SOX6: variants seen among roughly 807,000 people sequenced by gnomAD.
The protein encoded by SOX6 is SRY-box transcription factor 6, also known as transcription factor SOX-6.
SOX6 carries 11 observed loss-of-function variants against 97.8 expected under a neutral mutation model. The observed-to-expected ratio is 0.11, with a 90% confidence interval of 0.07 to 0.19. The LOEUF (loss-of-function observed/expected upper bound fraction) is 0.19. Ranked by LOEUF, SOX6 falls within the 10% of genes least tolerant of loss-of-function variation. The pLI, the probability that SOX6 is intolerant of heterozygous loss-of-function variation, is 1.00. For missense variants in SOX6, 810 were observed against 1,039.5 expected, an observed-to-expected ratio of 0.78 and a Z score of 3.04; for synonymous variants, 360 against 371.4, an observed-to-expected ratio of 0.97 and a Z score of 0.35.
chr11:16,716,997 GA>G, intron 2 of SOX6, among the ~76,000 whole-genome samples: 1 of 152,192 alleles, frequency 6.6e-6, no homozygotes, highest in South Asian at 2.1e-4. Flanking sequence ...ATTTTGTGAT[GA>G]ATGAGCTATA....
chr11:15,974,378 C>CTTT (rs35597667), intron 15 of SOX6, among the ~76,000 whole-genome samples: 4,220 of 85,600 alleles, frequency 0.049, 287 homozygotes, highest in African/African-American at 0.17. Flanking sequence ...TTAGCTCTCT[C>CTTT]TTTTTTTTTT....
intron 1 of SOX6, among the ~76,000 whole-genome samples, chr11:16,473,159 T>C (rs1041193280): frequency 6.6e-5 from 10 of 152,236 alleles, no homozygotes. Context: ...CAAAATATTA[T>C]TTAAAATATA....
At chr11:16,090,810 C>T (rs971628040) in intron 9 of SOX6, among the ~76,000 whole-genome samples, 11 of 151,970 alleles carry the variant, frequency 7.2e-5, no homozygotes, top group African/African-American at 2.4e-4. Flanking sequence ...AGGTTAGACC[C>T]ACCCATCAGA....
intron 3 of SOX6, among the ~76,000 whole-genome samples, chr11:16,705,270 A>G (rs995630933): frequency 5.9e-5 from 9 of 151,934 alleles, no homozygotes; most frequent in Non-Finnish European, 1.3e-4. Context: ...AAAAGAAAAA[A>G]AAAAAGAAAG....
intron 4 of SOX6, among the ~76,000 whole-genome samples, chr11:16,232,599 AG>A (rs893808604): frequency 6.6e-6 from 1 of 152,118 alleles, no homozygotes; most frequent in East Asian, 1.9e-4. Flanking sequence ...AAAGACGGAA[AG>A]GGGGGGAGAA....
At chr11:16,269,013 CTA>C (rs1854164241) in intron 3 of SOX6, among the ~76,000 whole-genome samples, 3 of 149,814 alleles carry the variant, frequency 2.0e-5, no homozygotes, top group African/African-American at 7.3e-5. Context: ...AGAAATTCAC[CTA>C]TGTTTTCTTG....
chr11:16,223,187 C>A (rs895601687), intron 4 of SOX6, among the ~76,000 whole-genome samples: 1 of 152,016 alleles, frequency 6.6e-6, no homozygotes, highest in African/African-American at 2.4e-5. Context: ...TTAAACCAAC[C>A]AATCATTCAG....
chr11:16,608,188 A>G lies in SOX6; in HGVS notation n.609+3893T>C, dbSNP rs1848357731. 2.0e-5 allele frequency among the ~76,000 whole-genome samples: 3 copies of G among 152,086 alleles called. No homozygotes were observed. The South Asian group carries it at 6.2e-4, about 31-fold the overall frequency. On this transcript the variant is annotated intron_variant and non_coding_transcript_variant, in intron 4 of 5. Coordinates refer to the SOX6 transcript ENST00000524520. Reference sequence around the variant, plus strand: ...AGGAGTCAGGAGAAAGGCAAACTGTAGCGTGGAAAAGGTAGGCAACTCGGG... The same window carrying G: ...AGGAGTCAGGAGAAAGGCAAACTGTGGCGTGGAAAAGGTAGGCAACTCGGG...
intron 1 of SOX6, among the ~76,000 whole-genome samples, chr11:16,415,770 C>G (rs1285099260): frequency 6.6e-6 from 1 of 152,056 alleles, no homozygotes; most frequent in Non-Finnish European, 1.5e-5. Context: ...ACGAGGGATA[C>G]TAGCAAACTT....
At chr11:16,464,016 T>C (rs1036087986) in intron 1 of SOX6, among the ~76,000 whole-genome samples, 1 of 152,176 alleles carries the variant, frequency 6.6e-6, no homozygotes, top group Admixed American at 6.5e-5. Context: ...GGGACATCCC[T>C]GATGGTTATA....
intron 3 of SOX6, chr11:16,313,236 AAAT>A (rs1392387117): frequency 2.0e-5 from 3 of 152,206 alleles, no homozygotes; most frequent in African/African-American, 7.2e-5. Context: ...TTCATCATGC[AAAT>A]ATAGTTTTTA....
intron 12 of SOX6, among the ~76,000 whole-genome samples, chr11:16,032,563 A>G (rs975959391): frequency 2.0e-5 from 3 of 152,152 alleles, no homozygotes; most frequent in East Asian, 1.9e-4. Context: ...AAGTTTATCT[A>G]TGTGGAGAAA....
rs147573414 is a variant in SOX6 at position 16,379,607 on chromosome 11, C to T, written c.-4-38355G>A. On this transcript the variant is annotated intron_variant, in intron 1 of 15. Transcript: ENST00000396356. The stretch of plus-strand genomic sequence containing the variant: ...GGTTAAAAAAATAATAATAATGTGT[C>T]AGAGTGGATGAGGAAAAATGAGTAC... Among the ~76,000 whole-genome samples the T allele has an allele frequency of 2.0e-5, 3 of 152,098 alleles. No individual in the cohort carries two copies. In the East Asian group the frequency reaches 5.8e-4, roughly 29 times the overall value.
At chr11:16,492,634 C>T (rs7126577) in intron 4 of SOX6, among the ~76,000 whole-genome samples, 33,443 of 151,996 alleles carry the variant, frequency 0.22, 4,178 homozygotes, top group East Asian at 0.51. Context: ...AACCTCACTA[C>T]TCCCTCACTT....
intron 4 of SOX6, among the ~76,000 whole-genome samples, chr11:16,217,916 A>C (rs1161408225): frequency 6.6e-6 from 1 of 152,130 alleles, no homozygotes; most frequent in Non-Finnish European, 1.5e-5. Context: ...TAACAGCTGC[A>C]CTGCTGTAGC....
At chr11:16,397,530 A>G (rs1229382888) in intron 1 of SOX6, 1 of 151,968 alleles carries the variant, frequency 6.6e-6, no homozygotes, top group Admixed American at 6.6e-5. Flanking sequence ...TGCTAAGTAA[A>G]AGCATATTTC....
At chr11:16,150,272 C>A (rs544788536) in intron 6 of SOX6, among the ~76,000 whole-genome samples, 76 of 152,244 alleles carry the variant, frequency 5.0e-4, no homozygotes, top group African/African-American at 1.8e-3. Flanking sequence ...AACCACTATT[C>A]AGAAGGAGAC....
chr11:16,316,704 T>C (rs902062484), intron 3 of SOX6: 1 of 152,108 alleles, frequency 6.6e-6, no homozygotes, highest in Non-Finnish European at 1.5e-5. Context: ...CCAAAGTATT[T>C]TGAAAACCAC....
chr11:16,349,852 C>T (rs538788415), intron 1 of SOX6, among the ~76,000 whole-genome samples: 4 of 152,202 alleles, frequency 2.6e-5, no homozygotes, highest in Middle Eastern at 3.4e-3. Context: ...GCCTGATATG[C>T]CATTTTACCA....
Sources: allele counts gnomAD v4.1 joint callset (sites outside exome capture counted in the v4.1 genomes callset), GRCh38; gene constraint gnomAD v4.1.1; transcripts MANE v1.5; gene names NCBI Gene and HGNC (gene_info 2026-07-23, HGNC 2026-07-21).